The following KLHL4 variants were observed in gnomAD, a reference collection of about 807,000 sequenced individuals.
KLHL4 encodes kelch like family member 4.
KLHL4 carries 17 observed loss-of-function variants against 45.8 expected under a neutral mutation model. The ratio of observed to expected loss-of-function variants is 0.37; its 90% confidence interval spans 0.25 to 0.56. The LOEUF is 0.56. Ranked by LOEUF, KLHL4 falls within the 20% of genes least tolerant of loss-of-function variation. The probability of loss-of-function intolerance (pLI) is 0.79; values close to 1 mark genes in which losing one functional copy is unlikely to be tolerated. For missense variants in KLHL4, 544 were observed against 544.9 expected, an observed-to-expected ratio of 1.00 and a Z score of 0.02; for synonymous variants, 224 against 189.9, an observed-to-expected ratio of 1.18 and a Z score of -1.47.
intron 1 of KLHL4, among the ~76,000 whole-genome samples, chrX:87,540,908 C>A (rs956249616): frequency 1.8e-5 from 2 of 111,403 alleles, no homozygotes; most frequent in Non-Finnish European, 3.8e-5. Flanking sequence ...TAATGTGTTT[C>A]ATTATGACAT....
intron 1 of KLHL4, among the ~76,000 whole-genome samples, chrX:87,544,930 G>A (rs1331421255): frequency 1.8e-5 from 2 of 111,866 alleles, no homozygotes; most frequent in Admixed American, 1.9e-4. Context: ...ATGCCATTCA[G>A]GAAAACATGA....
Position 87,614,469 on chromosome X carries a change from C to A in KLHL4, c.626C>A (p.Ala209Glu), listed in dbSNP as rs1602444935. The part of the protein sequence containing the change: ...VLSAVSDYFA[A>E]MFTNDVLEAK... ...AGCGCAGTGTCTGATTATTTTGCTG[C>A]AATGTTTACTAATGATGTGCTTGAA... The change falls in exon 3 of 11, where the codon GCA (alanine) becomes GAA (glutamate). Residue 209 changes from alanine (A) to glutamate (E), a missense_variant. Coordinates refer to ENST00000373119, the MANE Select transcript of KLHL4 (RefSeq NM_019117.5). The A allele has an allele frequency of 8.3e-7, 1 of 1,205,841 alleles. No homozygotes were observed. The highest frequency in any genetic ancestry group is 1.1e-6 in the Non-Finnish European group (1 of 892,314).
At chrX:87,599,386 T>C (rs1921937222) in intron 1 of KLHL4, among the ~76,000 whole-genome samples, 1 of 111,759 alleles carries the variant, frequency 8.9e-6, no homozygotes. Context: ...GCCTAGAAAG[T>C]ATATTTTGCT....
chrX:87,569,439 A>T (rs1295301875), intron 1 of KLHL4, among the ~76,000 whole-genome samples: 1 of 111,304 alleles, frequency 9.0e-6, no homozygotes, highest in Non-Finnish European at 1.9e-5. Flanking sequence ...ATATACAATT[A>T]CCATATTACC....
intron 1 of KLHL4, among the ~76,000 whole-genome samples, chrX:87,534,530 G>A (rs892155854): frequency 1.8e-5 from 2 of 110,986 alleles, no homozygotes; most frequent in Non-Finnish European, 3.8e-5. Flanking sequence ...TTGACCAGGC[G>A]GATGCTTAAA....
At chrX:87,557,956 G>A (rs17253218) in intron 1 of KLHL4, among the ~76,000 whole-genome samples, 24,363 of 109,659 alleles carry the variant, frequency 0.22, 2,054 homozygotes, top group Non-Finnish European at 0.26. Flanking sequence ...GACTCAAATT[G>A]CAACTTGAAA....
At position 87,539,073 on chromosome X, in the gene KLHL4, G is replaced by A. The variant is rs374489345; in HGVS notation, c.422+20758G>A. Among the ~76,000 whole-genome samples, 39 of 111,213 alleles carry A rather than the reference G, an allele frequency of 3.5e-4. No homozygotes were observed. The East Asian group carries it at 5.4e-3, about 15-fold the overall frequency. ...AGATAAAATAATTTGTAATGTTCAC[G>A]AAATTAGCAAATCCCAAAGAAATCA... On this transcript the variant is annotated intron_variant, in intron 1 of 10. Transcript: ENST00000373119.
chrX:87,593,816 A>C (rs1921753188), intron 1 of KLHL4, among the ~76,000 whole-genome samples: 1 of 111,545 alleles, frequency 9.0e-6, no homozygotes, highest in South Asian at 3.7e-4. Context: ...AGCAATACCT[A>C]ACATAAATGT....
At chrX:87,544,068 C>A (rs1931622439) in intron 1 of KLHL4, among the ~76,000 whole-genome samples, 1 of 110,708 alleles carries the variant, frequency 9.0e-6, no homozygotes, top group Non-Finnish European at 1.9e-5. Flanking sequence ...TCTGGACCTG[C>A]CCTAGGCCAG....
At chrX:87,666,322 A>T (rs1160434455) in intron 10 of KLHL4, among the ~76,000 whole-genome samples, 153 bp from the exon 11 acceptor site, 1 of 111,599 alleles carries the variant, frequency 9.0e-6, no homozygotes, top group Admixed American at 9.6e-5. Flanking sequence ...AGCACACTAC[A>T]CTGTTTTCTA....
At chrX:87,597,302 A>G (rs1461727366) in intron 1 of KLHL4, among the ~76,000 whole-genome samples, 1 of 111,736 alleles carries the variant, frequency 8.9e-6, no homozygotes, top group Admixed American at 9.5e-5. Flanking sequence ...GAACAGAAAG[A>G]TTGTATTAAC....
intron 1 of KLHL4, among the ~76,000 whole-genome samples, chrX:87,539,614 A>G (rs1931509382): frequency 9.0e-6 from 1 of 110,852 alleles, no homozygotes; most frequent in Non-Finnish European, 1.9e-5. Context: ...ACATTATGAC[A>G]GTGTTAGCCA....
intron 1 of KLHL4, among the ~76,000 whole-genome samples, chrX:87,532,314 C>T (rs1482002050): frequency 1.8e-5 from 2 of 110,899 alleles, no homozygotes; most frequent in African/African-American, 3.3e-5. Context: ...GGTACCAGTA[C>T]CATGCTGTTT....
At chrX:87,561,920 AG>A (rs1457459442) in intron 1 of KLHL4, among the ~76,000 whole-genome samples, 1 of 109,912 alleles carries the variant, frequency 9.1e-6, no homozygotes, top group Non-Finnish European at 1.9e-5. Context: ...TGCTACTCCA[AG>A]GGGAAGGACC....
chrX:87,614,112 T>G (rs1922475134), intron 2 of KLHL4, 68 bp downstream of exon 2: 1 of 776,147 alleles, frequency 1.3e-6, no homozygotes, highest in African/African-American at 2.1e-5. Context: ...AATGAGTACA[T>G]GGATTATAAA....
intron 1 of KLHL4, among the ~76,000 whole-genome samples, chrX:87,526,245 G>A (rs777296603): frequency 8.9e-6 from 1 of 112,329 alleles, no homozygotes; most frequent in African/African-American, 3.2e-5. Flanking sequence ...TTAGTCTGAA[G>A]TATGTTGCAA....
At chrX:87,558,849 G>T (rs889602360) in intron 1 of KLHL4, among the ~76,000 whole-genome samples, 5 of 111,910 alleles carry the variant, frequency 4.5e-5, no homozygotes, top group African/African-American at 1.6e-4. Context: ...AGAGAAATTT[G>T]AGAATCCATT....
At chrX:87,634,973 A>G (rs1278148392) in intron 8 of KLHL4, among the ~76,000 whole-genome samples, 2 of 111,966 alleles carry the variant, frequency 1.8e-5, no homozygotes, top group Non-Finnish European at 3.8e-5. Flanking sequence ...TTAAAATTAT[A>G]TTAAAAATAC....
At chrX:87,598,254 G>A (rs939234766) in intron 1 of KLHL4, among the ~76,000 whole-genome samples, 1 of 110,547 alleles carries the variant, frequency 9.0e-6, no homozygotes, top group Non-Finnish European at 1.9e-5. Context: ...TTAAAATTAT[G>A]TCTTCTCTGT....
Sources: allele counts gnomAD v4.1 joint callset (sites outside exome capture counted in the v4.1 genomes callset), GRCh38; gene constraint gnomAD v4.1.1; transcripts MANE v1.5; gene names NCBI Gene and HGNC (gene_info 2026-07-23, HGNC 2026-07-21).